Variants in CACNA2D3 observed in about 807,000 individuals in gnomAD.
CACNA2D3 encodes the protein calcium voltage-gated channel auxiliary subunit alpha2delta 3.
In CACNA2D3, 60 loss-of-function variants were observed where a neutral mutation model predicts 160.6. That is an observed-to-expected ratio of 0.37 (90% CI 0.30 to 0.46). The LOEUF (loss-of-function observed/expected upper bound fraction) is 0.46. Ranked by LOEUF, CACNA2D3 falls within the 20% of genes least tolerant of loss-of-function variation. The pLI is 1.00. For synonymous variants in CACNA2D3, 558 were observed against 492.9 expected (o/e 1.13, Z -1.75); for missense variants, 1,205 against 1,365.0 (o/e 0.88, Z 1.85).
At chr3:54,825,765 C>G (rs1703735633) in intron 14 of CACNA2D3, among the ~76,000 whole-genome samples, 1 of 152,122 alleles carries the variant, frequency 6.6e-6, no homozygotes, top group African/African-American at 2.4e-5. Flanking sequence ...AAATCAGATT[C>G]AATACAATTT....
intron 11 of CACNA2D3, among the ~76,000 whole-genome samples, chr3:54,729,256 G>A (rs746442305): frequency 6.6e-6 from 1 of 152,168 alleles, no homozygotes; most frequent in Non-Finnish European, 1.5e-5. Context: ...AATGCTATGA[G>A]AGGGGAATGG....
At chr3:54,290,502 G>A (rs1013218705) in intron 2 of CACNA2D3, among the ~76,000 whole-genome samples, 5 of 151,812 alleles carry the variant, frequency 3.3e-5, no homozygotes, top group African/African-American at 1.2e-4. Flanking sequence ...TCAGTGTGGC[G>A]ATTCCTCAGG....
At chr3:54,969,931 C>A in intron 29 of CACNA2D3, 87 bp downstream of exon 29, 1 of 1,151,104 alleles carries the variant, frequency 8.7e-7, no homozygotes, top group Non-Finnish European at 1.3e-6. Flanking sequence ...CCCTTATAAA[C>A]AAGGCCAGGT....
intron 13 of CACNA2D3, among the ~76,000 whole-genome samples, chr3:54,789,584 C>G (rs1422702016): frequency 6.6e-6 from 1 of 152,166 alleles, no homozygotes; most frequent in Non-Finnish European, 1.5e-5. Flanking sequence ...AAGCTATTTC[C>G]AAAATCAAAC....
intron 3 of CACNA2D3, 89 bp from the exon 4 acceptor site, chr3:54,386,626 A>T: frequency 8.3e-7 from 1 of 1,198,682 alleles, no homozygotes; most frequent in African/African-American, 1.5e-5. Flanking sequence ...CCACGATATA[A>T]TATGTCACTT....
intron 12 of CACNA2D3, among the ~76,000 whole-genome samples, chr3:54,763,812 CATATATATATACGT>C (rs1191158291): frequency 2.4e-5 from 1 of 41,888 alleles, no homozygotes; most frequent in African/African-American, 1.0e-4. Context: ...CATATATATA[CATATATATATACGT>C]ATATATATGT....
At chr3:54,940,540 C>T (rs990517784) in intron 27 of CACNA2D3, among the ~76,000 whole-genome samples, 8 of 152,112 alleles carry the variant, frequency 5.3e-5, no homozygotes, top group South Asian at 2.1e-4. Flanking sequence ...GACACCAGTC[C>T]GTAAAGCCCC....
intron 4 of CACNA2D3, among the ~76,000 whole-genome samples, chr3:54,445,593 T>C (rs942265567): frequency 7.0e-5 from 5 of 71,902 alleles, no homozygotes; most frequent in African/African-American, 2.1e-4. Context: ...CACACACTCA[T>C]GTGAAGAAGG....
At chr3:54,821,672 CTTT>C (rs1559594898) in intron 14 of CACNA2D3, among the ~76,000 whole-genome samples, 76 of 120,418 alleles carry the variant, frequency 6.3e-4, no homozygotes, top group African/African-American at 1.8e-3. Flanking sequence ...TTCTTTCTTT[CTTT>C]CTTTCTTTCT....
chr3:54,774,910 A>C (rs1702397410), intron 13 of CACNA2D3, among the ~76,000 whole-genome samples: 1 of 152,146 alleles, frequency 6.6e-6, no homozygotes, highest in Admixed American at 6.5e-5. Context: ...CTGGGATTAC[A>C]GATGTGAGCC....
At chr3:54,643,765 G>A (rs568722589) in intron 11 of CACNA2D3, among the ~76,000 whole-genome samples, 9 of 152,298 alleles carry the variant, frequency 5.9e-5, no homozygotes, top group East Asian at 3.9e-4. Context: ...AGTGCTGAGC[G>A]TCTGGCAGGG....
chr3:55,062,771 A>G (rs1704545398), intron 35 of CACNA2D3, among the ~76,000 whole-genome samples: 2 of 152,140 alleles, frequency 1.3e-5, no homozygotes, highest in Non-Finnish European at 2.9e-5. Flanking sequence ...CCCATCTGAC[A>G]TTTACGGAAG....
intron 4 of CACNA2D3, among the ~76,000 whole-genome samples, chr3:54,455,683 C>T (rs975040245): frequency 3.3e-5 from 5 of 152,090 alleles, no homozygotes; most frequent in African/African-American, 9.7e-5. Context: ...CCTATGGTTT[C>T]TTCTACTCAT....
intron 4 of CACNA2D3, among the ~76,000 whole-genome samples, chr3:54,501,423 G>A (rs62254232): frequency 1.1e-5 from 1 of 92,702 alleles, no homozygotes; most frequent in East Asian, 3.1e-4. Flanking sequence ...TTTTTTTTTG[G>A]TAAGACAGGG....
chr3:54,308,662 C>A (rs1291980686), intron 2 of CACNA2D3, among the ~76,000 whole-genome samples: 1 of 152,132 alleles, frequency 6.6e-6, no homozygotes, highest in African/African-American at 2.4e-5. Context: ...TAATAAACTC[C>A]TTGGTAGCAG....
At chr3:54,735,449 T>C (rs193257673) in intron 11 of CACNA2D3, among the ~76,000 whole-genome samples, 218 of 152,328 alleles carry the variant, frequency 1.4e-3, no homozygotes, top group African/African-American at 5.0e-3. Flanking sequence ...AAATAAGCTT[T>C]GCACTGCAGA....
At position 54,429,629 on chromosome 3, in the gene CACNA2D3, A is replaced by G. The variant is rs1441696749; in HGVS notation, c.381+42855A>G. ...TGGTAGATTTCCTAGGGGTTATATC[A>G]TGATGGTGCTCTGTAGACAACTGGA... On this transcript the variant is annotated intron_variant, in intron 4 of 37. Coordinates refer to ENST00000474759, the MANE Select transcript of CACNA2D3 (RefSeq NM_018398.3). 2.0e-5 allele frequency among the ~76,000 whole-genome samples: 3 copies of G among 152,256 alleles called. No individual in the cohort carries two copies. The East Asian group carries it at 5.8e-4, about 30-fold the overall frequency.
chr3:54,357,975 G>A (rs1480759167), intron 3 of CACNA2D3, among the ~76,000 whole-genome samples: 1 of 152,224 alleles, frequency 6.6e-6, no homozygotes, highest in Admixed American at 6.5e-5. Context: ...TGCTTTGTAT[G>A]ATACTGTAAT....
chr3:54,645,505 AG>A (rs1699616480), intron 11 of CACNA2D3, among the ~76,000 whole-genome samples: 1 of 152,242 alleles, frequency 6.6e-6, no homozygotes, highest in South Asian at 2.1e-4. Context: ...CCCATTAGGC[AG>A]CAAATGCATG....
Sources: gnomAD v4.1 joint callset for allele counts (sites outside exome capture counted in the v4.1 genomes callset) on GRCh38, gnomAD v4.1.1 for gene constraint, MANE v1.5 for transcripts, NCBI Gene and HGNC (gene_info 2026-07-23, HGNC 2026-07-21) for gene names.